Variants in PPP2R2B observed in about 807,000 individuals in gnomAD.
PPP2R2B encodes serine/threonine-protein phosphatase 2A 55 kDa regulatory subunit B beta isoform.
A neutral mutation model predicts 46.0 loss-of-function variants in PPP2R2B; 5 were observed. The ratio of observed to expected loss-of-function variants is 0.11; its 90% CI spans 0.06 to 0.23. The LOEUF is 0.23. Ranked by LOEUF, PPP2R2B falls within the 10% of genes least tolerant of loss-of-function variation. PPP2R2B has a pLI of 1.00. For synonymous variants in PPP2R2B, 215 were observed against 206.7 expected (o/e 1.04, Z -0.34); for missense variants, 367 against 575.0 (o/e 0.64, Z 3.70).
chr5:146,751,772 A>C (rs1753569485), intron 2 of PPP2R2B, among the ~76,000 whole-genome samples: 1 of 152,174 alleles, frequency 6.6e-6, no homozygotes, highest in South Asian at 2.1e-4. Flanking sequence ...TTGCCCCCAG[A>C]GGGTGGGGGC....
At chr5:146,783,513 C>T (rs1049543403) in intron 2 of PPP2R2B, among the ~76,000 whole-genome samples, 9 of 152,154 alleles carry the variant, frequency 5.9e-5, no homozygotes, top group African/African-American at 2.2e-4. Flanking sequence ...AATTTTTCTA[C>T]TTATGCTTTT....
chr5:146,609,086 G>A (rs1772587327), intron 7 of PPP2R2B, among the ~76,000 whole-genome samples: 1 of 152,034 alleles, frequency 6.6e-6, no homozygotes, highest in Non-Finnish European at 1.5e-5. Flanking sequence ...ATGACCAAGT[G>A]GAATTTATCC....
In PPP2R2B at chr5:146,873,383, T is replaced by G. The variant is rs1376045655; in HGVS notation, c.70+4619A>C. Among the ~76,000 whole-genome samples, 3 of 152,200 alleles carry G rather than the reference T, an allele frequency of 2.0e-5. No homozygotes were observed. The East Asian group carries it at 5.8e-4, about 29-fold the overall frequency. On this transcript the variant is annotated intron_variant, in intron 2 of 9. Coordinates refer to ENST00000394411, the MANE Select transcript of PPP2R2B (RefSeq NM_181675.4). ...ACCCCATCCTACACAGCAGCCAGAT[T>G]AAACTTCTAGAAAAACAAATCTGAT...
chr5:146,840,522 C>G (rs1759569662), intron 2 of PPP2R2B, among the ~76,000 whole-genome samples: 1 of 152,136 alleles, frequency 6.6e-6, no homozygotes, highest in Non-Finnish European at 1.5e-5. Context: ...AAGCACAGCC[C>G]TAGTACATCA....
intron 2 of PPP2R2B, among the ~76,000 whole-genome samples, chr5:146,745,830 T>C (rs897668076): frequency 3.3e-5 from 5 of 152,050 alleles, no homozygotes; most frequent in South Asian, 2.1e-4. Flanking sequence ...TGGTGGTGCA[T>C]GCCTATAGTC....
intron 6 of PPP2R2B, among the ~76,000 whole-genome samples, chr5:146,643,183 C>CGAGAGAGA (rs150316003): frequency 6.7e-6 from 1 of 148,406 alleles, no homozygotes; most frequent in Non-Finnish European, 1.5e-5. Flanking sequence ...CACACACACA[C>CGAGAGAGA]GAGAGAGAGA....
intron 1 of PPP2R2B, among the ~76,000 whole-genome samples, chr5:146,931,030 A>G (rs1763950997): frequency 6.6e-6 from 1 of 152,026 alleles, no homozygotes. Flanking sequence ...AGTTGCCTGA[A>G]TATTTTGTTT....
chr5:146,793,800 G>T (rs954682073), intron 2 of PPP2R2B, among the ~76,000 whole-genome samples: 1 of 152,160 alleles, frequency 6.6e-6, no homozygotes, highest in Non-Finnish European at 1.5e-5. Flanking sequence ...AGAGCCAAAA[G>T]AATTCAGTTC....
chr5:147,067,066 A>C (rs962660990), intron 2 of PPP2R2B, among the ~76,000 whole-genome samples: 3 of 152,196 alleles, frequency 2.0e-5, no homozygotes, highest in African/African-American at 7.2e-5. Context: ...TTTTTAATTG[A>C]GAAAAAGTTG....
chr5:146,587,120 C>A lies in PPP2R2B; in HGVS notation c.*2827G>T, dbSNP rs1247745913. 1 of 152,196 alleles carries A rather than the reference C, an allele frequency of 6.6e-6. No homozygotes were observed. The highest frequency in any genetic ancestry group is 1.5e-5 in the Non-Finnish European group (1 of 68,034). 9.4% of individuals were successfully genotyped at this position (152,196 alleles called of 1,614,324 possible). A position where few individuals can be genotyped will look rare whatever the true frequency, so the allele number is the denominator to read the frequency against. Reference sequence around the variant, plus strand: ...CAACTGTTGCAAGGTAGCAAATCAGCCTTCAAGTAGTTTTTAGTGTCAGCA... The same window carrying A: ...CAACTGTTGCAAGGTAGCAAATCAGACTTCAAGTAGTTTTTAGTGTCAGCA... On this transcript the variant is annotated 3_prime_UTR_variant, in exon 10 of 10. Transcript: ENST00000394411.
chr5:146,987,236 C>G (rs1368622766), intron 1 of PPP2R2B, among the ~76,000 whole-genome samples: 1 of 152,068 alleles, frequency 6.6e-6, no homozygotes, highest in Non-Finnish European at 1.5e-5. Context: ...CCAGACCTGA[C>G]TTATAATAAA....
intron 1 of PPP2R2B, among the ~76,000 whole-genome samples, chr5:146,886,735 C>A: frequency 6.6e-6 from 1 of 151,812 alleles, no homozygotes; most frequent in Non-Finnish European, 1.5e-5. Flanking sequence ...AATGGTTATG[C>A]GTAGTTTTCT....
chr5:146,790,007 G>C (rs1756090199), intron 2 of PPP2R2B, among the ~76,000 whole-genome samples: 1 of 152,224 alleles, frequency 6.6e-6, no homozygotes, highest in African/African-American at 2.4e-5. Flanking sequence ...GAGGTAAAAT[G>C]TAATCACAAC....
At chr5:146,673,577 A>G (rs1264082518) in intron 5 of PPP2R2B, among the ~76,000 whole-genome samples, 1 of 152,114 alleles carries the variant, frequency 6.6e-6, no homozygotes, top group Non-Finnish European at 1.5e-5. Flanking sequence ...CCAGGCTGAG[A>G]ATTCTGCATT....
At chr5:146,705,325 G>A (rs1211454280) in intron 2 of PPP2R2B, among the ~76,000 whole-genome samples, 2 of 152,160 alleles carry the variant, frequency 1.3e-5, no homozygotes, top group African/African-American at 2.4e-5. Flanking sequence ...GATAAGAACA[G>A]AAAATATATT....
chr5:147,061,264 T>G (rs1757249319), intron 2 of PPP2R2B, among the ~76,000 whole-genome samples: 1 of 152,096 alleles, frequency 6.6e-6, no homozygotes, highest in Non-Finnish European at 1.5e-5. Context: ...AAAAGTAGAA[T>G]GAAGGAAATA....
chr5:146,802,716 T>G (rs1756935512), intron 2 of PPP2R2B, among the ~76,000 whole-genome samples: 1 of 152,178 alleles, frequency 6.6e-6, no homozygotes, highest in Non-Finnish European at 1.5e-5. Flanking sequence ...CAGTTTTTCC[T>G]CAGCTTGGAC....
rs1554084680 is a variant in PPP2R2B at position 147,009,898 on chromosome 5, CAT to C, written c.79+45765_79+45766del. 6.3e-3 allele frequency among the ~76,000 whole-genome samples: 915 copies of C among 145,602 alleles called. 7 individuals carry two copies. Among genetic ancestry groups the C allele is most frequent in the African/African-American group, 0.022 (869 of 38,914 alleles). On this transcript the variant is annotated intron_variant, in intron 1 of 8. Coordinates refer to the PPP2R2B transcript ENST00000336640. ...ACACACACACACACACACACACACACATATATATATAGGACCTGGAGATAATT... is the reference window on the plus strand; with the variant it reads ...ACACACACACACACACACACACACACATATATATAGGACCTGGAGATAATT...
intron 1 of PPP2R2B, among the ~76,000 whole-genome samples, chr5:147,041,770 T>C (rs548013145): frequency 6.6e-6 from 1 of 152,310 alleles, no homozygotes; most frequent in African/African-American, 2.4e-5. Flanking sequence ...TGTTTAACCC[T>C]TTTCTACCAT....
Sources: allele counts gnomAD v4.1 joint callset (sites outside exome capture counted in the v4.1 genomes callset), GRCh38; gene constraint gnomAD v4.1.1; transcripts MANE v1.5; gene names NCBI Gene and HGNC (gene_info 2026-07-23, HGNC 2026-07-21).